PSMF1: variants seen among roughly 807,000 people sequenced by gnomAD.
PSMF1 encodes the protein proteasome inhibitor PI31 subunit.
Under a neutral mutation model 29.3 loss-of-function variants are expected in PSMF1, and 30 were observed. The observed-to-expected ratio is 1.02, with a 90% CI of 0.77 to 1.39. The LOEUF (loss-of-function observed/expected upper bound fraction) is 1.39. Ranked by LOEUF, PSMF1 falls within the 40% of genes most tolerant of loss-of-function variation. PSMF1 has a pLI of 0.00. For synonymous variants in PSMF1, 134 were observed against 139.7 expected (o/e 0.96, Z 0.29); for missense variants, 344 against 357.5 (o/e 0.96, Z 0.31).
At chr20:1,143,193 G>C (rs2086405505) in intron 4 of PSMF1, among the ~76,000 whole-genome samples, 1 of 152,158 alleles carries the variant, frequency 6.6e-6, no homozygotes, top group Admixed American at 6.5e-5. Flanking sequence ...ATCTAAGATA[G>C]CTATAACAAT....
intron 2 of PSMF1, 38 bp downstream of exon 2, chr20:1,125,688 G>A (rs777614747): frequency 1.3e-6 from 2 of 1,589,636 alleles, no homozygotes; most frequent in Non-Finnish European, 1.7e-6. Flanking sequence ...TGATGAGATG[G>A]GGATAGGAAT....
chr20:1,135,259 A>G lies in PSMF1; in HGVS notation c.504A>G (p.Pro168=), dbSNP rs763079685. Residue 168 remains proline, a synonymous_variant, in exon 4 of 7, where the codon CCA becomes CCG. Transcript: ENST00000335877. ...CTGCTACCGCCAGAGAGGTGGACCC[A>G]CTCCGGATTCCTCCACACCACCCAC... is the stretch of plus-strand genomic sequence containing the variant. ...FPPATAREVD[P]LRIPPHHPHT... 13 of 1,613,094 alleles carry G rather than the reference A, an allele frequency of 8.1e-6. No homozygotes were observed. The highest frequency in any genetic ancestry group is 8.5e-6 in the Non-Finnish European group (10 of 1,179,612).
intron 4 of PSMF1, among the ~76,000 whole-genome samples, chr20:1,159,038 AGAGT>A (rs1453703381): frequency 6.6e-6 from 1 of 150,496 alleles, no homozygotes; most frequent in Non-Finnish European, 1.5e-5. Flanking sequence ...CCTGGGCAAC[AGAGT>A]GAGACTCCGT....
In PSMF1 at chr20:1,163,019, C is replaced by A; in HGVS notation, c.552-111C>A. The stretch of plus-strand genomic sequence containing the variant: ...GGACCACCCTGAAATATCCCTTGTG[C>A]TATGGTCTCATGCAAGGGTTTCCCA... On this transcript the variant is annotated intron_variant, in intron 4 of 6. Coordinates refer to ENST00000335877, the MANE Select transcript of PSMF1 (RefSeq NM_006814.5). This position sits in a 1 kb window ranked among gnomAD's most constrained non-coding sequence, Gnocchi z 6.1. 1 of 1,127,072 alleles carries A rather than the reference C, an allele frequency of 8.9e-7. No homozygotes were observed. The highest frequency in any genetic ancestry group is 2.0e-5 in the Admixed American group (1 of 50,974). The allele number at this position is 1,127,072 out of a possible 1,614,324, so 69.8% of individuals were successfully genotyped here. A position where few individuals can be genotyped will look rare whatever the true frequency, so the allele number is the denominator to read the frequency against.
At chr20:1,158,277 G>A (rs2086619889) in intron 4 of PSMF1, among the ~76,000 whole-genome samples, 4 of 152,094 alleles carry the variant, frequency 2.6e-5, no homozygotes, top group South Asian at 4.1e-4. Context: ...TCAGTAAATC[G>A]CAGCAGCTGC....
intron 4 of PSMF1, among the ~76,000 whole-genome samples, chr20:1,161,848 T>G (rs778544936): frequency 6.6e-6 from 1 of 152,264 alleles, no homozygotes; most frequent in Non-Finnish European, 1.5e-5. Context: ...GTGTCTGATA[T>G]CAGCAGTGGA....
Position 1,165,673 on chromosome 20 carries a change from G to A in PSMF1, c.*593G>A. On this transcript the variant is annotated 3_prime_UTR_variant, in exon 7 of 7. Transcript: ENST00000335877. ...CTTCTGGCTGCATGAATGGAAATGAGTGACTGGAAATCCCATAGGCCACAA... is the reference window on the plus strand; with the variant it reads ...CTTCTGGCTGCATGAATGGAAATGAATGACTGGAAATCCCATAGGCCACAA... The A allele has an allele frequency of 1.0e-6, 1 of 998,090 alleles. No individual in the cohort carries two copies. The highest frequency in any genetic ancestry group is 1.7e-5 in the African/African-American group (1 of 57,614). The allele number at this position is 998,090 out of a possible 1,614,324, so 61.8% of individuals were successfully genotyped here. A position where few individuals can be genotyped will look rare whatever the true frequency, so the allele number is the denominator to read the frequency against.
chr20:1,141,290 G>T (rs141756728), intron 4 of PSMF1, among the ~76,000 whole-genome samples: 1 of 152,208 alleles, frequency 6.6e-6, no homozygotes, highest in East Asian at 1.9e-4. Context: ...AAAACCATGC[G>T]TTATACATGT....
At chr20:1,154,407 G>A (rs1044282388) in intron 4 of PSMF1, among the ~76,000 whole-genome samples, 2 of 152,188 alleles carry the variant, frequency 1.3e-5, no homozygotes, top group African/African-American at 4.8e-5. Flanking sequence ...TCAGGGTAAG[G>A]AAATGGAAAG....
At chr20:1,120,710 T>A (rs1356268418) in intron 1 of PSMF1, among the ~76,000 whole-genome samples, 1 of 152,188 alleles carries the variant, frequency 6.6e-6, no homozygotes, top group Non-Finnish European at 1.5e-5. Context: ...GATTTTGACC[T>A]GGGATCTCCT....
At chr20:1,152,751 G>A (rs747792031) in intron 4 of PSMF1, among the ~76,000 whole-genome samples, 3 of 152,308 alleles carry the variant, frequency 2.0e-5, no homozygotes, top group East Asian at 1.9e-4. Context: ...AAGGCAGGTG[G>A]CTCTGGGGTA....
At chr20:1,126,218 G>A (rs2086154061) in intron 2 of PSMF1, among the ~76,000 whole-genome samples, 1 of 152,132 alleles carries the variant, frequency 6.6e-6, no homozygotes, top group African/African-American at 2.4e-5. Context: ...GCTTGTAATT[G>A]TGTACTTATT....
intron 1 of PSMF1, among the ~76,000 whole-genome samples, chr20:1,120,425 T>C (rs965407430): frequency 6.6e-6 from 1 of 152,210 alleles, no homozygotes; most frequent in Non-Finnish European, 1.5e-5. Flanking sequence ...TTTGTGCTGC[T>C]CTTCATTCCA....
At chr20:1,162,899 T>A (rs1019990164) in intron 4 of PSMF1, among the ~76,000 whole-genome samples, 2 of 152,182 alleles carry the variant, frequency 1.3e-5, no homozygotes, top group African/African-American at 4.8e-5. Flanking sequence ...TTTTAAAATA[T>A]TAATACTTAA....
intron 4 of PSMF1, among the ~76,000 whole-genome samples, chr20:1,145,039 C>A (rs970275635): frequency 2.6e-5 from 4 of 152,218 alleles, no homozygotes; most frequent in Admixed American, 2.6e-4. Flanking sequence ...ATGCCTGCCA[C>A]CACACCCAGC....
In PSMF1 at chr20:1,171,182, G is replaced by A. The variant is rs1025938855; in HGVS notation, c.*6102G>A. The stretch of plus-strand genomic sequence containing the variant: ...CTCCTCAGTCAGTCCTATTTGCACA[G>A]CGTGCCTCATGCTCCTGAGTACCTC... On this transcript the variant is annotated 3_prime_UTR_variant, in exon 7 of 7. Coordinates refer to ENST00000335877, the MANE Select transcript of PSMF1 (RefSeq NM_006814.5). Among the ~76,000 whole-genome samples the A allele has an allele frequency of 1.3e-5, 2 of 152,168 alleles. No homozygotes were observed. Among genetic ancestry groups the A allele is most frequent in the African/African-American group, 2.4e-5 (1 of 41,434 alleles).
At chr20:1,138,198 G>A (rs1246244473) in intron 4 of PSMF1, among the ~76,000 whole-genome samples, 1 of 152,066 alleles carries the variant, frequency 6.6e-6, no homozygotes, top group African/African-American at 2.4e-5. Context: ...AAAACTACAA[G>A]CCAGTATCCT....
chr20:1,114,119 A>G (rs2085993913), upstream of PSMF1, among the ~76,000 whole-genome samples: 1 of 152,138 alleles, frequency 6.6e-6, no homozygotes, highest in Admixed American at 6.5e-5. Context: ...CTTTCTCTAA[A>G]TTATGCAACT....
intron 2 of PSMF1, 183 bp downstream of exon 2, chr20:1,125,833 T>G: frequency 1.3e-6 from 1 of 789,242 alleles, no homozygotes; most frequent in Non-Finnish European, 2.2e-6. Context: ...TGCACAAAGG[T>G]ATCCACCACC....
Sources: gnomAD v4.1 joint callset for allele counts (sites outside exome capture counted in the v4.1 genomes callset) on GRCh38, gnomAD v4.1.1 for gene constraint, Gnocchi (gnomAD v3.1) non-coding constraint, MANE v1.5 for transcripts, NCBI Gene and HGNC (gene_info 2026-07-23, HGNC 2026-07-21) for gene names.